Variants in EGFR observed in about 807,000 individuals in gnomAD.
EGFR encodes the protein avian erythroblastic leukemia viral (v-erb-b) oncogene homolog.
A neutral mutation model predicts 143.0 loss-of-function variants in EGFR; 58 were observed. That is an observed-to-expected ratio of 0.41 (90% CI 0.33 to 0.50). EGFR has a LOEUF of 0.50. Among genes scored for constraint, EGFR ranks in the 20% least tolerant of loss-of-function variants. The pLI is 0.39. For missense variants in EGFR, 1,307 were observed against 1,579.0 expected (o/e 0.83, Z 2.92); for synonymous variants, 613 against 594.4 (o/e 1.03, Z -0.45).
At chr7:55,058,680 C>T (rs936317112) in intron 1 of EGFR, among the ~76,000 whole-genome samples, 4 of 152,128 alleles carry the variant, frequency 2.6e-5, no homozygotes, top group Middle Eastern at 3.4e-3. Context: ...ACACTGGGGC[C>T]TACTTGAGGG....
At chr7:55,060,291 T>C (rs1260112932) in intron 1 of EGFR, among the ~76,000 whole-genome samples, 1 of 152,260 alleles carries the variant, frequency 6.6e-6, no homozygotes, top group Non-Finnish European at 1.5e-5. Flanking sequence ...TGTGGTTTCC[T>C]GACATTTTTG....
intron 1 of EGFR, among the ~76,000 whole-genome samples, chr7:55,098,510 A>G (rs1270228697): frequency 6.6e-6 from 1 of 152,230 alleles, no homozygotes; most frequent in Non-Finnish European, 1.5e-5. Context: ...AAAAACCTTA[A>G]GGCATCAGAA....
rs112447082 is a variant in EGFR, at chr7:55,078,833, C to G, written c.88+59468C>G. 5.6e-3 allele frequency among the ~76,000 whole-genome samples: 858 copies of G among 152,248 alleles called. 6 individuals carry two copies. Among genetic ancestry groups the G allele is most frequent in the Non-Finnish European group, 0.01 (699 of 67,996 alleles). On this transcript the variant is annotated intron_variant, in intron 1 of 27. Transcript: ENST00000275493. ...CTTTCTCCATGGAGCAGTGGAGTGG[C>G]GTTGCTGAGACAGAAAGTTCAGGTT...
At chr7:55,090,106 T>C (rs1235574516) in intron 1 of EGFR, among the ~76,000 whole-genome samples, 1 of 152,050 alleles carries the variant, frequency 6.6e-6, no homozygotes, top group Non-Finnish European at 1.5e-5. Context: ...GTAGCTGAGA[T>C]TACAGGCACG....
At chr7:55,160,845 A>G (rs17336779) in intron 12 of EGFR, among the ~76,000 whole-genome samples, 107 of 152,326 alleles carry the variant, frequency 7.0e-4, no homozygotes, top group African/African-American at 2.1e-3. Flanking sequence ...GCCTCTGTCA[A>G]TTCCCTTAAT....
intron 1 of EGFR, among the ~76,000 whole-genome samples, chr7:55,024,690 T>C (rs1425079804): frequency 6.6e-6 from 1 of 152,230 alleles, no homozygotes; most frequent in African/African-American, 2.4e-5. Context: ...TAGGCTTTTT[T>C]TTCTTTATGT....
intron 27 of EGFR, among the ~76,000 whole-genome samples, chr7:55,203,730 C>T (rs369463578): frequency 1.2e-5 from 1 of 84,644 alleles, no homozygotes; most frequent in East Asian, 2.5e-4. Flanking sequence ...AGACACACCA[C>T]ACACACCACA....
chr7:55,152,433 A>G, intron 5 of EGFR, 113 bp from the exon 6 acceptor site: 1 of 974,508 alleles, frequency 1.0e-6, no homozygotes, highest in African/African-American at 1.6e-5. Context: ...TTTCGTTGGA[A>G]GCAAATGTGT....
intron 23 of EGFR, 60 bp downstream of exon 23, chr7:55,198,923 CA>C: frequency 6.2e-7 from 1 of 1,606,454 alleles, no homozygotes; most frequent in Non-Finnish European, 8.5e-7. Flanking sequence ...TGCTCTTAGC[CA>C]AACAGCTGAG....
intron 1 of EGFR, among the ~76,000 whole-genome samples, chr7:55,039,724 T>C (rs1787795511): frequency 6.6e-6 from 1 of 152,124 alleles, no homozygotes; most frequent in Non-Finnish European, 1.5e-5. Flanking sequence ...GTACATCCCA[T>C]TTCTTTCCAC....
chr7:55,189,381 A>G (rs1462200450), intron 20 of EGFR, among the ~76,000 whole-genome samples: 1 of 152,140 alleles, frequency 6.6e-6, no homozygotes, highest in African/African-American at 2.4e-5. Context: ...GGGCTGGCAC[A>G]TCGCCAGTGC....
rs17335982 is a variant in EGFR, at chr7:55,076,786, A to G, written c.88+57421A>G. Reference sequence around the variant, plus strand: ...GTTCTTCGTATGTCAGAATATATATACTACAACATAATTTCCATCAGAGCT... The same window carrying G: ...GTTCTTCGTATGTCAGAATATATATGCTACAACATAATTTCCATCAGAGCT... On this transcript the variant is annotated intron_variant, in intron 1 of 27. Coordinates refer to ENST00000275493, the MANE Select transcript of EGFR (RefSeq NM_005228.5). 8.5e-3 allele frequency among the ~76,000 whole-genome samples: 1,292 copies of G among 152,236 alleles called. 18 individuals are homozygous for G. The highest frequency in any genetic ancestry group is 0.058 in the Middle Eastern group (17 of 294).
chr7:55,086,149 A>G (rs1344795538), intron 1 of EGFR, among the ~76,000 whole-genome samples: 1 of 151,884 alleles, frequency 6.6e-6, no homozygotes, highest in Non-Finnish European at 1.5e-5. Flanking sequence ...TCTGCTCAAT[A>G]CCTCCATGTT....
chr7:55,054,509 C>T (rs543520094), intron 1 of EGFR, among the ~76,000 whole-genome samples: 16 of 152,340 alleles, frequency 1.1e-4, no homozygotes, highest in East Asian at 1.9e-4. Flanking sequence ...TTTCCTGGCG[C>T]GCCCGCGGGG....
chr7:55,054,893 C>A (rs1029059636), intron 1 of EGFR, among the ~76,000 whole-genome samples: 4 of 152,238 alleles, frequency 2.6e-5, no homozygotes, highest in Admixed American at 1.3e-4. Flanking sequence ...ACCAGCAGCC[C>A]AGCCTCGTTG....
chr7:55,201,414 G>T (rs2128971935), intron 25 of EGFR, 59 bp downstream of exon 25: 1 of 1,610,400 alleles, frequency 6.2e-7, no homozygotes, highest in South Asian at 1.1e-5. Context: ...TGAACAAATT[G>T]AATTTTAGGG....
At chr7:55,170,876 A>G (rs1054630368) in intron 15 of EGFR, 13 of 1,411,546 alleles carry the variant, frequency 9.2e-6, no homozygotes, top group Non-Finnish European at 1.2e-5. Context: ...CTGTGGGACA[A>G]TTATCTGTGT....
intron 7 of EGFR, 29 bp from the exon 8 acceptor site, chr7:55,155,792 CCACCGTCAT>C (rs755747026): frequency 1.3e-6 from 2 of 1,570,590 alleles, no homozygotes. Flanking sequence ...GCACCTGGTG[CCACCGTCAT>C]CACCTTCCTT....
chr7:55,105,315 G>C (rs1792069785), intron 1 of EGFR, among the ~76,000 whole-genome samples: 1 of 152,198 alleles, frequency 6.6e-6, no homozygotes, highest in Non-Finnish European at 1.5e-5. Context: ...ACTGCAGAAA[G>C]ATTATGCCTT....
Sources: allele counts gnomAD v4.1 joint callset (sites outside exome capture counted in the v4.1 genomes callset), GRCh38; gene constraint gnomAD v4.1.1; transcripts MANE v1.5; gene names NCBI Gene and HGNC (gene_info 2026-07-23, HGNC 2026-07-21).